Variants in RORA observed in about 807,000 individuals in gnomAD.
RORA encodes the protein nuclear receptor ROR-alpha.
RORA carries 7 observed loss-of-function variants against 69.5 expected under a neutral mutation model. The ratio of observed to expected loss-of-function variants is 0.10; its 90% CI spans 0.06 to 0.19. The LOEUF is 0.19. Ranked by LOEUF, RORA falls within the 10% of genes least tolerant of loss-of-function variation. The probability of loss-of-function intolerance (pLI) is 1.00; values close to 1 mark genes in which losing one functional copy is unlikely to be tolerated. For synonymous variants in RORA, 261 were observed against 240.8 expected (o/e 1.08, Z -0.78); for missense variants, 457 against 663.0 (o/e 0.69, Z 3.41).
chr15:61,101,797 TAC>T (rs2078884049), intron 1 of RORA, among the ~76,000 whole-genome samples: 1 of 151,822 alleles, frequency 6.6e-6, no homozygotes, highest in Non-Finnish European at 1.5e-5. Context: ...TGGGAGATGG[TAC>T]AGAGGGCCAC....
chr15:60,945,521 T>A (rs555554137), intron 1 of RORA, among the ~76,000 whole-genome samples: 2 of 152,208 alleles, frequency 1.3e-5, no homozygotes, highest in Non-Finnish European at 2.9e-5. Flanking sequence ...GAACAGTGCT[T>A]GTTAGAAAAA....
At chr15:60,639,042 C>T (rs923223644) in intron 2 of RORA, among the ~76,000 whole-genome samples, 4 of 152,066 alleles carry the variant, frequency 2.6e-5, no homozygotes, top group African/African-American at 9.7e-5. Context: ...AACAGCGAAA[C>T]CGTGCCTCCT....
chr15:60,683,641 T>TACACACACAC (rs1212373710), intron 1 of RORA, among the ~76,000 whole-genome samples: 4 of 47,858 alleles, frequency 8.4e-5, no homozygotes, highest in African/African-American at 1.2e-4. Context: ...TTTACCCAGA[T>TACACACACAC]ACACATACAC....
intron 3 of RORA, among the ~76,000 whole-genome samples, chr15:60,521,936 C>T (rs943914102): frequency 4.6e-5 from 7 of 152,136 alleles, no homozygotes; most frequent in African/African-American, 1.7e-4. Context: ...GTCTTACCTT[C>T]TCTGGAAATT....
intron 2 of RORA, among the ~76,000 whole-genome samples, chr15:60,614,437 G>C (rs1056985767): frequency 6.6e-6 from 1 of 152,204 alleles, no homozygotes; most frequent in Non-Finnish European, 1.5e-5. Flanking sequence ...GAAGGTTCTA[G>C]TTGTGTAGGA....
intron 2 of RORA, among the ~76,000 whole-genome samples, chr15:60,604,319 C>A (rs1596045514): frequency 6.6e-6 from 1 of 152,018 alleles, no homozygotes; most frequent in Non-Finnish European, 1.5e-5. Context: ...GACCGCATAC[C>A]CAGTGTTGAT....
At chr15:61,087,969 C>G (rs527873109) in intron 1 of RORA, among the ~76,000 whole-genome samples, 1 of 152,266 alleles carries the variant, frequency 6.6e-6, no homozygotes, top group Non-Finnish European at 1.5e-5. Context: ...ATACGGCCTA[C>G]GCCAGCTCCT....
intron 1 of RORA, among the ~76,000 whole-genome samples, chr15:61,068,205 C>T (rs2078291603): frequency 6.6e-6 from 1 of 152,204 alleles, no homozygotes; most frequent in Non-Finnish European, 1.5e-5. Flanking sequence ...CTCTTTTTAA[C>T]ACACTTGGCC....
intron 2 of RORA, among the ~76,000 whole-genome samples, chr15:60,626,482 C>T (rs2069585397): frequency 1.3e-5 from 2 of 152,114 alleles, no homozygotes; most frequent in Admixed American, 1.3e-4. Flanking sequence ...TGAGTAGCCG[C>T]GTTCTCATGG....
chr15:60,786,642 T>C (rs945866954), intron 1 of RORA, among the ~76,000 whole-genome samples: 1 of 152,218 alleles, frequency 6.6e-6, no homozygotes, highest in African/African-American at 2.4e-5. Context: ...AGCTTCGTGA[T>C]GCACAGAGAC....
chr15:60,519,543 G>T (rs936988603), intron 3 of RORA, among the ~76,000 whole-genome samples: 2 of 152,112 alleles, frequency 1.3e-5, no homozygotes, highest in Non-Finnish European at 2.9e-5. Flanking sequence ...CTCATATGGG[G>T]CAACCATTAA....
rs1322076407 is a variant in RORA, at chr15:60,597,586, A to ATATG, written c.197-65736_197-65735insCATA. The stretch of plus-strand genomic sequence containing the variant: ...TATATATATATATACACATATATAT[A>ATATG]TATATATACACATATATATATATAT... On this transcript the variant is annotated intron_variant, in intron 2 of 10. Transcript: ENST00000335670. 3.5e-4 allele frequency among the ~76,000 whole-genome samples: 8 copies of ATATG among 22,536 alleles called. 1 individual carries two copies. The highest frequency in any genetic ancestry group is 5.6e-4 in the Non-Finnish European group (7 of 12,584). The allele number at this position is 22,536 out of a possible 152,430, so 14.8% of individuals were successfully genotyped here.
At chr15:60,543,307 C>T (rs1190507724) in intron 2 of RORA, among the ~76,000 whole-genome samples, 5 of 149,560 alleles carry the variant, frequency 3.3e-5, no homozygotes. Flanking sequence ...TCTACCCTGA[C>T]ATTTGTTAGC....
At chr15:60,507,106 G>A (rs552422122) in intron 5 of RORA, among the ~76,000 whole-genome samples, 1 of 152,134 alleles carries the variant, frequency 6.6e-6, no homozygotes, top group African/African-American at 2.4e-5. Flanking sequence ...GAATCTAGAT[G>A]CCAGGAACTA....
intron 1 of RORA, among the ~76,000 whole-genome samples, chr15:60,946,405 T>C (rs762842356): frequency 1.3e-4 from 20 of 152,214 alleles, no homozygotes; most frequent in Non-Finnish European, 2.6e-4. Context: ...GTGCCTGCGA[T>C]TGCAGGCGCG....
At chr15:60,721,978 T>G (rs1415113747) in intron 1 of RORA, among the ~76,000 whole-genome samples, 1 of 152,260 alleles carries the variant, frequency 6.6e-6, no homozygotes, top group Non-Finnish European at 1.5e-5. Flanking sequence ...AAACAAACTA[T>G]GCCTGTATTC....
At chr15:60,547,756 A>G (rs2067117972) in intron 2 of RORA, 1 of 152,030 alleles carries the variant, frequency 6.6e-6, no homozygotes, top group African/African-American at 2.4e-5. Flanking sequence ...TATGGAGAAT[A>G]TGAAAACATT....
chr15:61,016,557 T>G (rs1895295446), intron 1 of RORA, among the ~76,000 whole-genome samples: 1 of 152,176 alleles, frequency 6.6e-6, no homozygotes, highest in Admixed American at 6.5e-5. Flanking sequence ...GTTAGGATCA[T>G]TTTTAAAGAA....
intron 1 of RORA, among the ~76,000 whole-genome samples, chr15:61,174,742 T>C (rs570835051): frequency 9.2e-5 from 14 of 152,334 alleles, no homozygotes; most frequent in African/African-American, 3.1e-4. Flanking sequence ...TTACCCTGCA[T>C]CTGTTCCGTA....
Sources: allele counts gnomAD v4.1 joint callset (sites outside exome capture counted in the v4.1 genomes callset), GRCh38; gene constraint gnomAD v4.1.1; transcripts MANE v1.5; gene names NCBI Gene and HGNC (gene_info 2026-07-23, HGNC 2026-07-21).